The following BCO1 variants were observed in gnomAD, a reference collection of about 807,000 sequenced individuals.
The protein encoded by BCO1 is beta,beta-carotene 15,15'-dioxygenase.
In BCO1, 54 loss-of-function variants were observed where a neutral mutation model predicts 56.3. The observed-to-expected ratio is 0.96, with a 90% CI of 0.77 to 1.20. BCO1 has a LOEUF of 1.20. Ranked by LOEUF, BCO1 falls within the 50% of genes most tolerant of loss-of-function variation. The pLI is 0.00. For synonymous variants in BCO1, 318 were observed against 266.1 expected, an observed-to-expected ratio of 1.20 and a Z score of -1.90; for missense variants, 801 against 690.9, an observed-to-expected ratio of 1.16 and a Z score of -1.79.
intron 8 of BCO1, among the ~76,000 whole-genome samples, chr16:81,284,237 TA>T (rs1908042028): frequency 1.3e-5 from 1 of 76,034 alleles, no homozygotes; most frequent in Non-Finnish European, 2.7e-5. Flanking sequence ...TATTTTTATA[TA>T]TTTATATATT....
intron 2 of BCO1, among the ~76,000 whole-genome samples, chr16:81,255,506 T>A (rs1906075785): frequency 6.6e-6 from 1 of 151,308 alleles, no homozygotes; most frequent in South Asian, 2.1e-4. Flanking sequence ...TTTTTTTATT[T>A]TTTATTTTTT....
In BCO1 at chr16:81,285,155, A is replaced by T. The variant is rs150949501; in HGVS notation, c.1208-385A>T. ...GCGCCCAGCCAGCTTCCCATTTCTCATCACATATGTGCACATGCACGCACA... is the reference window on the plus strand; with the variant it reads ...GCGCCCAGCCAGCTTCCCATTTCTCTTCACATATGTGCACATGCACGCACA... On this transcript the variant is annotated intron_variant, in intron 8 of 10. Transcript: ENST00000258168. Among the ~76,000 whole-genome samples the T allele has an allele frequency of 2.3e-3, 353 of 152,262 alleles. 6 individuals are homozygous for T. The highest frequency in any genetic ancestry group is 0.021 in the Middle Eastern group (6 of 292).
intron 1 of BCO1, among the ~76,000 whole-genome samples, chr16:81,243,009 G>T (rs1173517131): frequency 6.6e-6 from 1 of 152,062 alleles, no homozygotes; most frequent in Non-Finnish European, 1.5e-5. Flanking sequence ...AAAAGTTTGG[G>T]GACCACTGAT....
At chr16:81,288,720 C>T (rs1908315928) in intron 10 of BCO1, among the ~76,000 whole-genome samples, 1 of 152,216 alleles carries the variant, frequency 6.6e-6, no homozygotes, top group Non-Finnish European at 1.5e-5. Context: ...TTCAGAAATG[C>T]CCTGCCCACA....
chr16:81,257,544 C>T (rs978276067), intron 2 of BCO1, among the ~76,000 whole-genome samples: 5 of 150,612 alleles, frequency 3.3e-5, no homozygotes, highest in African/African-American at 7.3e-5. Flanking sequence ...GGATTACAGG[C>T]GTGAGCCACC....
rs1437222620 is a variant in BCO1, at chr16:81,268,100, C to T, written c.812C>T (p.Ala271Val). ...GCATACATCCGGAGAATGAGCTGGG[C>T]CTCCTGCCTGGCTTTCCACAGGGAG... Reference protein sequence around the residue: ...ATAYIRRMSWASCLAFHREEK... With the variant: ...ATAYIRRMSWVSCLAFHREEK... Residue 271 changes from alanine to valine, a missense_variant, in exon 6 of 11, where the codon GCC (alanine) becomes GTC (valine). Coordinates refer to ENST00000258168, the MANE Select transcript of BCO1 (RefSeq NM_017429.3). 2 of 1,610,814 alleles carry T rather than the reference C, an allele frequency of 1.2e-6. No individual in the cohort carries two copies. Among genetic ancestry groups the T allele is most frequent in the Non-Finnish European group, 8.5e-7 (1 of 1,180,004 alleles).
At chr16:81,265,699 T>C (rs1461399105) in intron 5 of BCO1, among the ~76,000 whole-genome samples, 1 of 140,572 alleles carries the variant, frequency 7.1e-6, no homozygotes, top group Non-Finnish European at 1.5e-5. Flanking sequence ...CCATCCACCA[T>C]CCATCTACCT....
chr16:81,270,527 A>C lies in BCO1; in HGVS notation c.1101+111A>C, dbSNP rs1301148504. The C allele has an allele frequency of 1.5e-5, 10 of 675,082 alleles. No individual in the cohort carries two copies. The East Asian group carries it at 4.6e-4, about 31-fold the overall frequency. The allele number at this position is 675,082 out of a possible 1,614,324, so 41.8% of individuals were successfully genotyped here. On this transcript the variant is annotated intron_variant, in intron 7 of 10. Coordinates refer to ENST00000258168, the MANE Select transcript of BCO1 (RefSeq NM_017429.3). ...TTGAAATCCAAATGAACTGTTCTTG[A>C]AAAAAAAAAAAGTTTTCATTGTTTT...
At chr16:81,250,598 T>TTTC (rs1905731534) in intron 2 of BCO1, among the ~76,000 whole-genome samples, 1 of 148,004 alleles carries the variant, frequency 6.8e-6, no homozygotes, top group Non-Finnish European at 1.5e-5. Context: ...TTTTTTTTTT[T>TTTC]GAGATGGAGT....
chr16:81,244,310 A>T (rs1172192477), intron 1 of BCO1, among the ~76,000 whole-genome samples: 1 of 152,242 alleles, frequency 6.6e-6, no homozygotes. Context: ...TGGTAGAAAC[A>T]TTGAAAAAAG....
chr16:81,263,829 C>T (rs945237815), intron 4 of BCO1: 2 of 152,214 alleles, frequency 1.3e-5, no homozygotes, highest in African/African-American at 2.4e-5. Context: ...CTCTGCAATA[C>T]GTTTTAACGA....
At chr16:81,290,289 T>G (rs2150652907) in intron 10 of BCO1, 59 bp from the exon 11 acceptor site, 1 of 1,383,916 alleles carries the variant, frequency 7.2e-7, no homozygotes, top group Non-Finnish European at 1.0e-6. Context: ...GCTGAGAAAT[T>G]CATCCCTCCG....
intron 2 of BCO1, among the ~76,000 whole-genome samples, chr16:81,251,269 CAA>C (rs967714567): frequency 6.6e-6 from 1 of 151,378 alleles, no homozygotes; most frequent in Non-Finnish European, 1.5e-5. Context: ...AAAAAAAAAA[CAA>C]AGAGGGACCA....
intron 8 of BCO1, among the ~76,000 whole-genome samples, chr16:81,284,003 G>A (rs1028696722): frequency 6.6e-6 from 1 of 151,306 alleles, no homozygotes; most frequent in Non-Finnish European, 1.5e-5. Flanking sequence ...GGCTAACATG[G>A]TGAAACCCTG....
At chr16:81,243,700 C>T (rs546567150) in intron 1 of BCO1, among the ~76,000 whole-genome samples, 21 of 152,296 alleles carry the variant, frequency 1.4e-4, no homozygotes, top group Admixed American at 2.6e-4. Context: ...AGCTCCTGAC[C>T]TCAAGCGATC....
intron 5 of BCO1, among the ~76,000 whole-genome samples, chr16:81,266,617 T>C (rs1214879852): frequency 6.6e-6 from 1 of 152,116 alleles, no homozygotes; most frequent in African/African-American, 2.4e-5. Flanking sequence ...AAGCTCAGAA[T>C]CCTAGAATGC....
chr16:81,264,731 T>G lies in BCO1; in HGVS notation c.563T>G (p.Ile188Ser). 1 of 1,614,196 alleles carries G rather than the reference T, an allele frequency of 6.2e-7. No homozygotes were observed. The highest frequency in any genetic ancestry group is 2.2e-5 in the East Asian group (1 of 44,886). Residue 188 changes from isoleucine (I) to serine (S), a missense_variant, in exon 5 of 11, where the codon ATT (isoleucine) becomes AGT (serine). Physicochemically the swap from Ile to Ser is moderately radical, Grantham distance 142. Transcript: ENST00000258168. Reference sequence around the variant, plus strand: ...AATGTTCTAAACATGGGCACATCCATTGTGGAAAAGGGGAAGACAAAGTAT... The same window carrying G: ...AATGTTCTAAACATGGGCACATCCAGTGTGGAAAAGGGGAAGACAAAGTAT... ...AGNVLNMGTSIVEKGKTKYVI... is the reference protein window; with the variant it reads ...AGNVLNMGTSSVEKGKTKYVI...
At chr16:81,253,606 C>G (rs1301471936) in intron 2 of BCO1, among the ~76,000 whole-genome samples, 1 of 152,164 alleles carries the variant, frequency 6.6e-6, no homozygotes, top group East Asian at 1.9e-4. Flanking sequence ...CCCCAAAGCT[C>G]AGGCTCCTAA....
chr16:81,284,761 A>T (rs993554470), intron 8 of BCO1, among the ~76,000 whole-genome samples: 19 of 151,886 alleles, frequency 1.3e-4, no homozygotes, highest in Admixed American at 8.5e-4. Context: ...CTGGGATTAC[A>T]GGCATGAGCC....
Sources: gnomAD v4.1 joint callset for allele counts (sites outside exome capture counted in the v4.1 genomes callset) on GRCh38, gnomAD v4.1.1 for gene constraint, MANE v1.5 for transcripts, NCBI Gene and HGNC (gene_info 2026-07-23, HGNC 2026-07-21) for gene names.